TENM2: variants seen among roughly 807,000 people sequenced by gnomAD.
TENM2 encodes teneurin-2.
In TENM2, 52 loss-of-function variants were observed where a neutral mutation model predicts 245.2. The ratio of observed to expected loss-of-function variants is 0.21; its 90% CI spans 0.17 to 0.27. The LOEUF is 0.27. Ranked by LOEUF, TENM2 falls within the 10% of genes least tolerant of loss-of-function variation. The pLI is 1.00. For missense variants in TENM2, 3,046 were observed against 3,666.8 expected (o/e 0.83, Z 4.37); for synonymous variants, 1,363 against 1,438.9 (o/e 0.95, Z 1.19).
the TENM2 span, among the ~76,000 whole-genome samples, chr5:167,121,675 T>A: frequency 6.6e-6 from 1 of 152,228 alleles, no homozygotes; most frequent in South Asian, 2.1e-4. Context: ...CCCAGGTTCT[T>A]AGCACAGTGC....
chr5:167,390,358 G>A (rs770171735), intron 2 of TENM2, among the ~76,000 whole-genome samples: 1 of 152,168 alleles, frequency 6.6e-6, no homozygotes, highest in Non-Finnish European at 1.5e-5. Flanking sequence ...ACCAAGGATA[G>A]AATTGCATTC....
chr5:167,801,109 A>AAT lies in TENM2; in HGVS notation c.503-74834_503-74833dup, dbSNP rs869282464. On this transcript the variant is annotated intron_variant, in intron 2 of 28. Coordinates refer to ENST00000518659, the Ensembl canonical transcript of TENM2. ...GTATTTGAAAAGAAAAAAAAAAAAAAATATATATATATATATATATATATA... is the reference window on the plus strand; with the variant it reads ...GTATTTGAAAAGAAAAAAAAAAAAAAATATATATATATATATATATATATATA... Among the ~76,000 whole-genome samples, 390 of 66,500 alleles carry AAT rather than the reference A, an allele frequency of 5.9e-3. 1 individual carries two copies. The highest frequency in any genetic ancestry group is 7.7e-3 in the Non-Finnish European group (290 of 37,510). The allele number at this position is 66,500 out of a possible 152,430, so 43.6% of individuals were successfully genotyped here.
rs537547131 is a variant in TENM2 at position 168,231,788 on chromosome 5, A to G, written c.5520+3658A>G. The stretch of plus-strand genomic sequence containing the variant: ...CAAACAACAACAACAACCAAAAAAA[A>G]AAAAAAAGTTTAAATAGCCGACCAT... On this transcript the variant is annotated intron_variant, in intron 25 of 28. Coordinates refer to ENST00000518659, the Ensembl canonical transcript of TENM2. Among the ~76,000 whole-genome samples the G allele has an allele frequency of 3.4e-4, 52 of 152,256 alleles. 1 individual carries two copies. The South Asian group carries it at 0.011, about 32-fold the overall frequency.
chr5:168,144,813 C>G (rs1755896286), intron 12 of TENM2, among the ~76,000 whole-genome samples: 1 of 152,116 alleles, frequency 6.6e-6, no homozygotes, highest in South Asian at 2.1e-4. Flanking sequence ...AAAAGTGTTC[C>G]TATTTCTCCA....
At chr5:167,277,611 C>T in the TENM2 span, among the ~76,000 whole-genome samples, 10 of 152,088 alleles carry the variant, frequency 6.6e-5, no homozygotes, top group African/African-American at 1.2e-4. Flanking sequence ...ATTCTGTAAA[C>T]GCTGATTTAT....
At chr5:167,361,953 G>C (rs1759742856) in intron 1 of TENM2, among the ~76,000 whole-genome samples, 1 of 152,160 alleles carries the variant, frequency 6.6e-6, no homozygotes, top group Non-Finnish European at 1.5e-5. Context: ...TGATGGTGTA[G>C]TATTTCAGCT....
intron 9 of TENM2, among the ~76,000 whole-genome samples, chr5:168,103,350 T>A (rs1263767578): frequency 6.6e-6 from 1 of 152,168 alleles, no homozygotes; most frequent in African/African-American, 2.4e-5. Context: ...ACCAAGACAT[T>A]AACATCCATA....
At chr5:166,995,635 G>A in the TENM2 span, among the ~76,000 whole-genome samples, 1 of 151,554 alleles carries the variant, frequency 6.6e-6, no homozygotes, top group Non-Finnish European at 1.5e-5. Flanking sequence ...GGCCAACATG[G>A]TGAAACCCCA....
chr5:167,834,775 G>A (rs1017391965), intron 2 of TENM2, among the ~76,000 whole-genome samples: 1 of 151,124 alleles, frequency 6.6e-6, no homozygotes, highest in African/African-American at 2.4e-5. Flanking sequence ...TCAGCCTCCC[G>A]AGTAGCTTGG....
intron 2 of TENM2, among the ~76,000 whole-genome samples, chr5:167,759,653 A>G (rs1762534505): frequency 6.6e-6 from 1 of 152,152 alleles, no homozygotes; most frequent in Non-Finnish European, 1.5e-5. Flanking sequence ...TGTGCCAGGA[A>G]GCTCTAATCC....
At chr5:167,006,367 T>C in the TENM2 span, among the ~76,000 whole-genome samples, 1 of 152,192 alleles carries the variant, frequency 6.6e-6, no homozygotes, top group East Asian at 1.9e-4. Flanking sequence ...CATTTCTTCT[T>C]AGAAGTAAGT....
At chr5:167,528,754 C>G (rs1406107986) in intron 2 of TENM2, among the ~76,000 whole-genome samples, 1 of 152,168 alleles carries the variant, frequency 6.6e-6, no homozygotes, top group Non-Finnish European at 1.5e-5. Flanking sequence ...TATTATTCTA[C>G]TCATATCTTA....
rs1561769493 is a variant in TENM2 at position 167,776,624 on chromosome 5, A to AAAAAAAC, written c.503-99360_503-99359insAAAACAA. On this transcript the variant is annotated intron_variant, in intron 2 of 28. Transcript: ENST00000518659. Reference sequence around the variant, plus strand: ...AAAAAAAAAAAAAAAAAAAAAAAAAAAACCATATATATGTATCTATATATA... The same window carrying AAAAAAAC: ...AAAAAAAAAAAAAAAAAAAAAAAAAAAAAAAACAACCATATATATGTATCTATATATA... Among the ~76,000 whole-genome samples the AAAAAAAC allele has an allele frequency of 4.4e-4, 27 of 61,264 alleles. 1 individual carries two copies. The highest frequency in any genetic ancestry group is 1.6e-3 in the African/African-American group (22 of 13,618). The allele number at this position is 61,264 out of a possible 152,430, so 40.2% of individuals were successfully genotyped here.
At chr5:167,162,410 T>C in the TENM2 span, among the ~76,000 whole-genome samples, 1 of 152,158 alleles carries the variant, frequency 6.6e-6, no homozygotes, top group East Asian at 1.9e-4. Context: ...GGCAGATCAC[T>C]TGAGGTCAAG....
intron 2 of TENM2, among the ~76,000 whole-genome samples, chr5:167,801,083 T>A (rs1765676793): frequency 1.7e-5 from 2 of 120,148 alleles, no homozygotes; most frequent in South Asian, 2.7e-4. Flanking sequence ...ATACTTTGAA[T>A]GTATTTGAAA....
chr5:168,076,321 G>A (rs1202067736), intron 7 of TENM2, among the ~76,000 whole-genome samples: 6 of 151,590 alleles, frequency 4.0e-5, no homozygotes, highest in Non-Finnish European at 7.4e-5. Flanking sequence ...TGCCTCCCAG[G>A]TTCAAGCAAT....
intron 23 of TENM2, among the ~76,000 whole-genome samples, chr5:168,221,110 T>C (rs1763628952): frequency 7.2e-6 from 1 of 139,250 alleles, no homozygotes; most frequent in Non-Finnish European, 1.6e-5. Context: ...ACACTCTGTC[T>C]CAAAAAAAAA....
At chr5:167,534,577 A>G (rs1020422526) in intron 2 of TENM2, among the ~76,000 whole-genome samples, 4 of 152,312 alleles carry the variant, frequency 2.6e-5, no homozygotes, top group Admixed American at 1.3e-4. Flanking sequence ...TTATCTGGCA[A>G]CTCGATGTGG....
rs1298986068 is a variant in TENM2, at chr5:168,257,258, CT to C, written c.7433-3024del. ...GGGGGACATGAGCAAGGTAAGGGGACTAGGGATTGCAAGAGGTGGGGATGGG... is the reference window on the plus strand; with the variant it reads ...GGGGGACATGAGCAAGGTAAGGGGACAGGGATTGCAAGAGGTGGGGATGGG... On this transcript the variant is annotated intron_variant, in intron 27 of 28. Coordinates refer to ENST00000518659, the Ensembl canonical transcript of TENM2. Among the ~76,000 whole-genome samples the C allele has an allele frequency of 3.4e-5, 5 of 147,784 alleles. No homozygotes were observed. The East Asian group carries it at 9.9e-4, about 29-fold the overall frequency.
Sources: gnomAD v4.1 joint callset for allele counts (sites outside exome capture counted in the v4.1 genomes callset) on GRCh38, gnomAD v4.1.1 for gene constraint, MANE v1.5 for transcripts, NCBI Gene and HGNC (gene_info 2026-07-23, HGNC 2026-07-21) for gene names.